NCALD: variants seen among roughly 807,000 people sequenced by gnomAD.
The protein encoded by NCALD is neurocalcin-delta.
A neutral mutation model predicts 18.6 loss-of-function variants in NCALD; 10 were observed. The ratio of observed to expected loss-of-function variants is 0.54; its 90% CI spans 0.33 to 0.91. The LOEUF is 0.91. NCALD is among the 40% of genes least tolerant of loss of function. NCALD has a pLI of 0.03. For missense variants in NCALD, 184 were observed against 247.6 expected, an observed-to-expected ratio of 0.74 and a Z score of 1.72; for synonymous variants, 88 against 87.4, an observed-to-expected ratio of 1.01 and a Z score of -0.04.
intron 4 of NCALD, among the ~76,000 whole-genome samples, chr8:101,796,517 T>C (rs778765980): frequency 2.0e-5 from 3 of 152,044 alleles, no homozygotes; most frequent in Non-Finnish European, 2.9e-5. Flanking sequence ...TAAAATTAAG[T>C]CACTAAAAAA....
chr8:101,724,089 T>C (rs938219857), intron 1 of NCALD, among the ~76,000 whole-genome samples: 4 of 152,246 alleles, frequency 2.6e-5, no homozygotes, highest in Admixed American at 6.5e-5. Flanking sequence ...CAGACATCCA[T>C]GTTAAACTAC....
At chr8:101,695,695 C>A (rs903969894) in intron 2 of NCALD, among the ~76,000 whole-genome samples, 2 of 152,082 alleles carry the variant, frequency 1.3e-5, no homozygotes, top group African/African-American at 4.8e-5. Flanking sequence ...CAAGGGGCTC[C>A]AACCCAACCT....
chr8:101,911,058 A>G (rs1244193942), intron 3 of NCALD, among the ~76,000 whole-genome samples: 1 of 152,134 alleles, frequency 6.6e-6, no homozygotes, highest in Non-Finnish European at 1.5e-5. Context: ...AATTCCTACA[A>G]AGAAAACAAC....
At chr8:101,987,286 T>G (rs183410705) in intron 2 of NCALD, among the ~76,000 whole-genome samples, 92 of 152,344 alleles carry the variant, frequency 6.0e-4, no homozygotes, top group African/African-American at 2.1e-3. Context: ...GCACGTTTGA[T>G]TAATGTTTTT....
At chr8:101,871,583 C>CTTTTTTTTT (rs3056946) in intron 4 of NCALD, among the ~76,000 whole-genome samples, 1 of 138,844 alleles carries the variant, frequency 7.2e-6, no homozygotes, top group African/African-American at 2.6e-5. Context: ...TTCAGATTTT[C>CTTTTTTTTT]TTTTTTTTTT....
At chr8:101,712,952 A>G (rs534935798) in intron 2 of NCALD, among the ~76,000 whole-genome samples, 4 of 152,120 alleles carry the variant, frequency 2.6e-5, no homozygotes, top group Non-Finnish European at 5.9e-5. Flanking sequence ...ACAGAACTCT[A>G]CACCCCAAAT....
Position 101,903,197 on chromosome 8 carries a change from A to T in NCALD, c.-107+12612T>A, listed in dbSNP as rs909406902. Among the ~76,000 whole-genome samples the T allele has an allele frequency of 1.0e-3, 142 of 141,056 alleles. 1 individual carries two copies. Among genetic ancestry groups the T allele is most frequent in the African/African-American group, 3.1e-3 (118 of 37,618 alleles). 92.5% of individuals were successfully genotyped at this position (141,056 alleles called of 152,430 possible). On this transcript the variant is annotated intron_variant, in intron 3 of 6. Transcript: ENST00000311028. Reference sequence around the variant, plus strand: ...AGACAGCAGTGGTTTACTTTTAGGAATTTTTTTTTTTTTTTTTTGAGATGG... The same window carrying T: ...AGACAGCAGTGGTTTACTTTTAGGATTTTTTTTTTTTTTTTTTTGAGATGG...
chr8:101,865,786 G>A (rs1003926995), intron 4 of NCALD, among the ~76,000 whole-genome samples: 2 of 152,034 alleles, frequency 1.3e-5, no homozygotes, highest in Non-Finnish European at 2.9e-5. Context: ...TTGTATTTCT[G>A]CTATTTGTAT....
intron 2 of NCALD, among the ~76,000 whole-genome samples, chr8:102,018,749 C>A (rs569295040): frequency 2.6e-5 from 4 of 152,198 alleles, no homozygotes; most frequent in African/African-American, 7.2e-5. Flanking sequence ...ACCTCAGTAA[C>A]CCTAACCAAA....
chr8:101,748,554 G>A (rs553900295), intron 1 of NCALD, among the ~76,000 whole-genome samples: 1 of 152,272 alleles, frequency 6.6e-6, no homozygotes, highest in African/African-American at 2.4e-5. Flanking sequence ...GGGCTTGGCT[G>A]GCCACTGTGG....
At chr8:102,043,078 C>G (rs1055389710) in intron 1 of NCALD, among the ~76,000 whole-genome samples, 2 of 151,930 alleles carry the variant, frequency 1.3e-5, no homozygotes, top group Non-Finnish European at 2.9e-5. Context: ...TCAATCTGCT[C>G]TGTCGATGCA....
chr8:101,692,078 T>C (rs1814755088), intron 3 of NCALD: 2 of 972,066 alleles, frequency 2.1e-6, no homozygotes, highest in African/African-American at 1.8e-5. Context: ...ATTGTTAGGC[T>C]AATCCTAACA....
At chr8:102,014,388 ACCTCCCAAAGGCTCTC>A (rs1052631536) in intron 2 of NCALD, among the ~76,000 whole-genome samples, 2 of 151,876 alleles carry the variant, frequency 1.3e-5, no homozygotes, top group Admixed American at 6.6e-5. Context: ...TGATCTAATC[ACCTCCCAAAGGCTCTC>A]CCTCTTAAAA....
intron 1 of NCALD, among the ~76,000 whole-genome samples, chr8:102,021,001 G>T (rs1224170004): frequency 6.6e-6 from 1 of 152,052 alleles, no homozygotes; most frequent in East Asian, 1.9e-4. Context: ...CTCCACTTAA[G>T]TGTTGCTCCT....
chr8:101,900,078 A>G (rs1817364695), intron 3 of NCALD, among the ~76,000 whole-genome samples: 1 of 151,900 alleles, frequency 6.6e-6, no homozygotes, highest in African/African-American at 2.4e-5. Flanking sequence ...TCTATTTTAT[A>G]TTGTATGAAT....
intron 1 of NCALD, among the ~76,000 whole-genome samples, chr8:101,746,174 T>C (rs1389439287): frequency 6.6e-6 from 1 of 152,142 alleles, no homozygotes; most frequent in Non-Finnish European, 1.5e-5. Context: ...AGGCCTCCAG[T>C]GAAAAGATGA....
intron 2 of NCALD, among the ~76,000 whole-genome samples, chr8:101,982,512 T>C (rs1820657827): frequency 6.6e-6 from 1 of 152,166 alleles, no homozygotes; most frequent in African/African-American, 2.4e-5. Context: ...AAAAAAAGGG[T>C]ATAGCCTTGA....
intron 2 of NCALD, among the ~76,000 whole-genome samples, chr8:101,967,422 G>C (rs1386682505): frequency 1.3e-5 from 2 of 152,148 alleles, no homozygotes; most frequent in African/African-American, 4.8e-5. Context: ...TTTTGGTAAA[G>C]ATGCCTTACT....
At chr8:101,931,598 A>G (rs1818574943) in intron 2 of NCALD, among the ~76,000 whole-genome samples, 1 of 151,392 alleles carries the variant, frequency 6.6e-6, no homozygotes, top group South Asian at 2.1e-4. Context: ...AGATGTCTCA[A>G]GTGTCAATCA....
Sources: gnomAD v4.1 joint callset for allele counts (sites outside exome capture counted in the v4.1 genomes callset) on GRCh38, gnomAD v4.1.1 for gene constraint, MANE v1.5 for transcripts, NCBI Gene and HGNC (gene_info 2026-07-23, HGNC 2026-07-21) for gene names.